Variants in ACSL3 observed in about 807,000 individuals in gnomAD.
The protein encoded by ACSL3 is fatty acid CoA ligase Acsl3.
A neutral mutation model predicts 84.7 loss-of-function variants in ACSL3; 34 were observed. The observed-to-expected ratio is 0.40, with a 90% CI of 0.31 to 0.53. ACSL3 has a LOEUF of 0.53. ACSL3 is among the 20% of genes least tolerant of loss of function. The pLI, the probability that ACSL3 is intolerant of heterozygous loss-of-function variation, is 0.48. For missense variants in ACSL3, 680 were observed against 873.1 expected (o/e 0.78, Z 2.79); for synonymous variants, 315 against 299.4 (o/e 1.05, Z -0.54).
chr2:222,932,100 A>G (rs1203081191), intron 14 of ACSL3, among the ~76,000 whole-genome samples: 1 of 152,118 alleles, frequency 6.6e-6, no homozygotes. Context: ...ATTTTTTCCA[A>G]ATCCCCAGGT....
chr2:222,915,223 TG>T (rs753809388), intron 4 of ACSL3, among the ~76,000 whole-genome samples: 3 of 152,178 alleles, frequency 2.0e-5, no homozygotes, highest in Non-Finnish European at 4.4e-5. Context: ...GAGCATTTCA[TG>T]GGGGTAAAGA....
intron 16 of ACSL3, among the ~76,000 whole-genome samples, chr2:222,936,805 GGA>G (rs1469555716): frequency 6.6e-6 from 1 of 152,092 alleles, no homozygotes; most frequent in African/African-American, 2.4e-5. Context: ...TGGCAGAAGG[GGA>G]GAGAGGGAAG....
chr2:222,886,722 T>C (rs1695732299), intron 1 of ACSL3, among the ~76,000 whole-genome samples: 1 of 152,234 alleles, frequency 6.6e-6, no homozygotes, highest in Non-Finnish European at 1.5e-5. Flanking sequence ...AGTATACTTT[T>C]TGAGTTTTGG....
intron 1 of ACSL3, among the ~76,000 whole-genome samples, chr2:222,863,297 G>A (rs13029225): frequency 0.043 from 6,481 of 152,262 alleles, 198 homozygotes; most frequent in Middle Eastern, 0.088. Flanking sequence ...TTGAATTGAT[G>A]TGGTGAGATT....
chr2:222,890,921 G>T (rs1026478218), intron 2 of ACSL3, among the ~76,000 whole-genome samples: 15 of 152,214 alleles, frequency 9.9e-5, no homozygotes, highest in Admixed American at 7.2e-4. Flanking sequence ...GGGATTACAG[G>T]CGTGAGCCAT....
chr2:222,928,775 A>G (rs1696949169), intron 12 of ACSL3, 87 bp from the exon 13 acceptor site: 3 of 1,133,896 alleles, frequency 2.6e-6, no homozygotes, highest in Non-Finnish European at 4.0e-6. Context: ...CAGCCTTAGG[A>G]TAAATAATCA....
At position 222,869,417 on chromosome 2, in the gene ACSL3, T is replaced by C. The variant is rs149630894; in HGVS notation, c.-207+8159T>C. On this transcript the variant is annotated intron_variant, in intron 1 of 16. Coordinates refer to ENST00000357430, the MANE Select transcript of ACSL3 (RefSeq NM_004457.5). ...CCCTATGTATATTCTTTCTTCCTCT[T>C]TATCCCTTCTCTGCCCTTCACAAGT... Among the ~76,000 whole-genome samples, 8 of 152,314 alleles carry C rather than the reference T, an allele frequency of 5.3e-5. 1 individual carries two copies. The highest frequency in any genetic ancestry group is 1.9e-4 in the African/African-American group (8 of 41,556).
intron 16 of ACSL3, among the ~76,000 whole-genome samples, chr2:222,936,065 A>G (rs1016003012): frequency 3.3e-5 from 5 of 152,064 alleles, no homozygotes; most frequent in Non-Finnish European, 7.4e-5. Flanking sequence ...GGGTTTATTC[A>G]TATTGTACCA....
In ACSL3 at chr2:222,861,182, G is replaced by T. The variant is rs1275895370; in HGVS notation, c.-283G>T. The T allele has an allele frequency of 6.6e-6, 1 of 152,250 alleles. No homozygotes were observed. Among genetic ancestry groups the T allele is most frequent in the Non-Finnish European group, 1.5e-5 (1 of 68,128 alleles). 9.4% of individuals were successfully genotyped at this position (152,250 alleles called of 1,614,324 possible). ...TGCGCCAGGATCCCCGGGCGGCGGC[G>T]CGGGGCGTGAACGCTCTGGGGCTCA... On this transcript the variant is annotated 5_prime_UTR_variant, in exon 1 of 17. Transcript: ENST00000357430.
chr2:222,904,117 C>G (rs987728393), intron 3 of ACSL3, among the ~76,000 whole-genome samples: 1 of 152,044 alleles, frequency 6.6e-6, no homozygotes. Context: ...ACTAAAAATA[C>G]AAAATTAGCC....
chr2:222,872,969 A>G (rs977271560), intron 1 of ACSL3, among the ~76,000 whole-genome samples: 1 of 152,158 alleles, frequency 6.6e-6, no homozygotes. Context: ...TGAGACAGAA[A>G]TAAAAATAAA....
chr2:222,892,662 C>CT, intron 2 of ACSL3, among the ~76,000 whole-genome samples: 1 of 152,166 alleles, frequency 6.6e-6, no homozygotes, highest in African/African-American at 2.4e-5. Flanking sequence ...TTAAAGGATA[C>CT]TTTTTTCTCC....
At chr2:222,870,067 G>T (rs1304715097) in intron 1 of ACSL3, among the ~76,000 whole-genome samples, 2 of 151,712 alleles carry the variant, frequency 1.3e-5, no homozygotes, top group Non-Finnish European at 2.9e-5. Flanking sequence ...TGGTGGTGTG[G>T]CATTGTCTGT....
intron 4 of ACSL3, among the ~76,000 whole-genome samples, chr2:222,911,070 A>G (rs1390214285): frequency 5.2e-5 from 7 of 135,732 alleles, no homozygotes; most frequent in Non-Finnish European, 9.4e-5. Flanking sequence ...TTTTTTTGAG[A>G]TGGAGTTTCA....
intron 7 of ACSL3, chr2:222,920,885 C>G: frequency 2.3e-6 from 1 of 441,306 alleles, no homozygotes; most frequent in Non-Finnish European, 4.7e-6. Context: ...TGGGTCTTTG[C>G]ATTTGCTTAT....
chr2:222,929,012 T>A, intron 13 of ACSL3, 76 bp downstream of exon 13: 1 of 1,273,448 alleles, frequency 7.9e-7, no homozygotes, highest in Non-Finnish European at 1.1e-6. Context: ...ACTTTCTTGC[T>A]TTAGAATGTA....
rs765011836 is a variant in ACSL3 at position 222,922,844 on chromosome 2, T to C, written c.1080+13T>C. On this transcript the variant is annotated intron_variant, in intron 9 of 16. Transcript: ENST00000357430. Reference sequence around the variant, plus strand: ...TTTAGCAGATCAGGTAAGTTCAGTGTCTGTGACTTGAAATACTAAAAAATC... The same window carrying C: ...TTTAGCAGATCAGGTAAGTTCAGTGCCTGTGACTTGAAATACTAAAAAATC... 9 of 1,613,388 alleles carry C rather than the reference T, an allele frequency of 5.6e-6. No individual in the cohort carries two copies. The Admixed American group carries it at 1.5e-4, about 27-fold the overall frequency.
chr2:222,865,964 G>T (rs942809988), intron 1 of ACSL3, among the ~76,000 whole-genome samples: 2 of 152,122 alleles, frequency 1.3e-5, no homozygotes, highest in African/African-American at 4.8e-5. Context: ...GTCCTGTCAT[G>T]GTCAACTTTT....
chr2:222,938,748 A>G (rs1258175379), intron 16 of ACSL3, among the ~76,000 whole-genome samples: 1 of 151,800 alleles, frequency 6.6e-6, no homozygotes, highest in Non-Finnish European at 1.5e-5. Context: ...CTTTTTCTGA[A>G]CTCCTATAAT....
Sources: gnomAD v4.1 joint callset for allele counts (sites outside exome capture counted in the v4.1 genomes callset) on GRCh38, gnomAD v4.1.1 for gene constraint, MANE v1.5 for transcripts, NCBI Gene and HGNC (gene_info 2026-07-23, HGNC 2026-07-21) for gene names.